SP1: variants seen among roughly 807,000 people sequenced by gnomAD.
The protein encoded by SP1 is transcription factor Sp1.
Under a neutral mutation model 66.3 loss-of-function variants are expected in SP1, and 6 were observed. The observed-to-expected ratio is 0.09, with a 90% CI of 0.05 to 0.18. SP1 has a LOEUF of 0.18. SP1 is among the 10% of genes least tolerant of loss of function. The probability of loss-of-function intolerance (pLI) is 1.00; values close to 1 mark genes in which losing one functional copy is unlikely to be tolerated. For synonymous variants in SP1, 417 were observed against 360.8 expected, an observed-to-expected ratio of 1.16 and a Z score of -1.77; for missense variants, 848 against 964.5, an observed-to-expected ratio of 0.88 and a Z score of 1.60.
At chr12:53,404,406 GT>G in intron 3 of SP1, among the ~76,000 whole-genome samples, 1 of 151,950 alleles carries the variant, frequency 6.6e-6, no homozygotes, top group South Asian at 2.1e-4. Context: ...GCCAGGGGTG[GT>G]GGTGGGTGCC....
chr12:53,407,157 A>C (rs1346563441), intron 4 of SP1, among the ~76,000 whole-genome samples: 2 of 150,982 alleles, frequency 1.3e-5, no homozygotes, highest in Non-Finnish European at 3.0e-5. Flanking sequence ...TTTAAGACTC[A>C]GAGCTGGATG....
In SP1 at chr12:53,383,513, A is replaced by C. The variant is rs764454014; in HGVS notation, c.1566A>C (p.Gln522His). The C allele has an allele frequency of 1.2e-6, 2 of 1,613,988 alleles. No homozygotes were observed. The highest frequency in any genetic ancestry group is 1.7e-6 in the Non-Finnish European group (2 of 1,179,996). ...PAGTVTVNAA[Q>H]LSSMPGLQTI... ...GCACAGTCACTGTGAATGCTGCTCA[A>C]CTCTCCTCCATGCCAGGCCTCCAGA... Residue 522 changes from glutamine (Q) to histidine (H), a missense_variant, in exon 3 of 6, where the codon CAA (glutamine) becomes CAC (histidine). Gln to His is a conservative substitution (Grantham distance 24). This residue lies in a region of SP1 where 606 missense variants were observed against 589.9 expected (regional missense o/e 1.03). Transcript: ENST00000327443.
intron 3 of SP1, among the ~76,000 whole-genome samples, chr12:53,391,079 T>C (rs1938339583): frequency 6.6e-6 from 1 of 152,160 alleles, no homozygotes; most frequent in Non-Finnish European, 1.5e-5. Flanking sequence ...CTGTCAACTT[T>C]AGTAGATAAT....
chr12:53,393,416 C>G (rs957020751), intron 3 of SP1, among the ~76,000 whole-genome samples: 10 of 151,946 alleles, frequency 6.6e-5, no homozygotes, highest in African/African-American at 2.4e-4. Context: ...TCCTGAGTAG[C>G]TGGGATTACA....
At chr12:53,400,246 A>G (rs778274173) in intron 3 of SP1, among the ~76,000 whole-genome samples, 3 of 152,208 alleles carry the variant, frequency 2.0e-5, no homozygotes, top group Admixed American at 6.5e-5. Context: ...TAGATATTTC[A>G]CATAAATAGA....
At chr12:53,409,131 A>T (rs1938822038) in intron 4 of SP1, among the ~76,000 whole-genome samples, 1 of 152,036 alleles carries the variant, frequency 6.6e-6, no homozygotes, top group Non-Finnish European at 1.5e-5. Flanking sequence ...AGGCTGAGGC[A>T]GGAGAATCGC....
chr12:53,385,510 A>C (rs943888646), intron 3 of SP1, among the ~76,000 whole-genome samples: 2 of 138,594 alleles, frequency 1.4e-5, no homozygotes, highest in African/African-American at 5.5e-5. Context: ...CAGGAGAATC[A>C]CTTGAACCAG....
intron 3 of SP1, among the ~76,000 whole-genome samples, chr12:53,402,734 A>C (rs879289840): frequency 1.5e-4 from 19 of 128,066 alleles, no homozygotes; most frequent in Non-Finnish European, 2.5e-4. Flanking sequence ...TGGGAGGTCG[A>C]GGCGGGCGGA....
At chr12:53,383,720 C>T in intron 3 of SP1, 98 bp downstream of exon 3, 2 of 966,594 alleles carry the variant, frequency 2.1e-6, no homozygotes, top group East Asian at 2.4e-5. Flanking sequence ...TGAGATAACA[C>T]TTTCTTGAGG....
Position 53,381,697 on chromosome 12 carries a change from A to G in SP1, c.46A>G (p.Lys16Glu). 6.2e-7 allele frequency: 1 copy of G among 1,613,930 alleles called. No homozygotes were observed. Among genetic ancestry groups the G allele is most frequent in the Non-Finnish European group, 8.5e-7 (1 of 1,179,930 alleles). ...CATGGATGAAATGACAGCTGTGGTG[A>G]AAATTGAAAAAGGAGTTGGTGGCAA... ...HSMDEMTAVV[K>E]IEKGVGGNNG... Residue 16 changes from lysine (K) to glutamate (E), a missense_variant, in exon 2 of 6, where the codon AAA becomes GAA. Physicochemically the swap from Lys to Glu is moderately conservative, Grantham distance 56. Transcript: ENST00000327443.
chr12:53,389,072 T>G (rs920353476), intron 3 of SP1, among the ~76,000 whole-genome samples: 1 of 152,076 alleles, frequency 6.6e-6, no homozygotes, highest in Admixed American at 6.6e-5. Context: ...CTTGGTACGA[T>G]GTAGAAAGAA....
rs113281981 is a variant in SP1 at position 53,385,612 on chromosome 12, A to G, written c.1675+1990A>G. On this transcript the variant is annotated intron_variant, in intron 3 of 5. Transcript: ENST00000327443. ...TCCGTCTCAAAAAAAAAAAAAATAA[A>G]TAAAAATAAATTTGATTATGGGCTG... 5.4e-3 allele frequency among the ~76,000 whole-genome samples: 725 copies of G among 133,130 alleles called. 6 individuals are homozygous for G. The highest frequency in any genetic ancestry group is 0.02 in the African/African-American group (701 of 35,726). 87.3% of individuals were successfully genotyped at this position (133,130 alleles called of 152,430 possible).
intron 4 of SP1, 55 bp from the exon 5 acceptor site, chr12:53,409,307 T>G: frequency 2.8e-6 from 4 of 1,433,776 alleles, no homozygotes; most frequent in Non-Finnish European, 3.9e-6. Flanking sequence ...TGATACTTTG[T>G]GGTTCTTTAG....
chr12:53,394,458 T>C (rs1938429778), intron 3 of SP1, among the ~76,000 whole-genome samples: 3 of 138,678 alleles, frequency 2.2e-5, no homozygotes, highest in Admixed American at 1.5e-4. Context: ...GTGCCCAGAG[T>C]GCTGTGGCAC....
chr12:53,393,982 A>T (rs1227226417), intron 3 of SP1, among the ~76,000 whole-genome samples: 2 of 150,346 alleles, frequency 1.3e-5, no homozygotes, highest in Non-Finnish European at 2.9e-5. Flanking sequence ...TGGGAGGCCG[A>T]GGTGGGTGGA....
rs1000109403 is a variant in SP1, at chr12:53,414,741, G to A, written c.*3501G>A. 1 of 152,528 alleles carries A rather than the reference G, an allele frequency of 6.6e-6. No homozygotes were observed. The highest frequency in any genetic ancestry group is 2.4e-5 in the African/African-American group (1 of 41,420). The allele number at this position is 152,528 out of a possible 1,614,324, so 9.4% of individuals were successfully genotyped here. A position where few individuals can be genotyped will look rare whatever the true frequency, so the allele number is the denominator to read the frequency against. The stretch of plus-strand genomic sequence containing the variant: ...TGAATACTGGAAGCTGCAGATCTTT[G>A]CTAGGACGCAATAAATTTATATACT... On this transcript the variant is annotated 3_prime_UTR_variant, in exon 6 of 6. Coordinates refer to ENST00000327443, the MANE Select transcript of SP1 (RefSeq NM_138473.3).
At chr12:53,404,484 A>G (rs939220094) in intron 3 of SP1, among the ~76,000 whole-genome samples, 6 of 151,304 alleles carry the variant, frequency 4.0e-5, no homozygotes, top group South Asian at 4.2e-4. Context: ...GGAGGTTGCA[A>G]TGAGTCAAGA....
At chr12:53,409,927 A>G (rs887760993) in intron 5 of SP1, among the ~76,000 whole-genome samples, 1 of 152,022 alleles carries the variant, frequency 6.6e-6, no homozygotes, top group African/African-American at 2.4e-5. Flanking sequence ...GGAGAGTGGC[A>G]TGAACCTGGG....
intron 3 of SP1, among the ~76,000 whole-genome samples, chr12:53,401,266 C>A (rs1938604182): frequency 6.6e-6 from 1 of 151,646 alleles, no homozygotes; most frequent in Non-Finnish European, 1.5e-5. Flanking sequence ...GCCTGACCAA[C>A]ATGGTGAAAC....
Sources: gnomAD v4.1 joint callset for allele counts (sites outside exome capture counted in the v4.1 genomes callset) on GRCh38, gnomAD v4.1.1 for gene constraint, gnomAD v4.1.1 regional missense constraint, MANE v1.5 for transcripts, NCBI Gene and HGNC (gene_info 2026-07-23, HGNC 2026-07-21) for gene names.